FAF1: variants seen among roughly 807,000 people sequenced by gnomAD.
The protein encoded by FAF1 is FAS-associated factor 1.
FAF1 carries 25 observed loss-of-function variants against 92.5 expected under a neutral mutation model. The ratio of observed to expected loss-of-function variants is 0.27; its 90% CI spans 0.20 to 0.38. The LOEUF (loss-of-function observed/expected upper bound fraction) is 0.38. Among genes scored for constraint, FAF1 ranks in the 10% least tolerant of loss-of-function variants. FAF1 has a pLI of 1.00. For missense variants in FAF1, 636 were observed against 793.3 expected (o/e 0.80, Z 2.38); for synonymous variants, 234 against 273.2 (o/e 0.86, Z 1.42).
Position 50,629,623 on chromosome 1 carries a change from G to A in FAF1, c.744+25819C>T, listed in dbSNP as rs145032324. Among the ~76,000 whole-genome samples, 463 of 152,284 alleles carry A rather than the reference G, an allele frequency of 3.0e-3. 2 individuals are homozygous for A. Among genetic ancestry groups the A allele is most frequent in the Admixed American group, 6.0e-3 (92 of 15,302 alleles). ...AAAGAGGTAGCCTTTAGTCAAACAC[G>A]GGTCAAGATCCCTTTTCAATACCCC... On this transcript the variant is annotated intron_variant, in intron 8 of 18. Transcript: ENST00000396153.
rs1236881724 is a variant in FAF1 at position 50,959,894 on chromosome 1, C to G, written c.-83G>C. ...CACCTCCTGCGACCGTCGCCGCCAC[C>G]GCCGCCGCCGCCGCCGGGCGCCGAG... On this transcript the variant is annotated 5_prime_UTR_variant, in exon 1 of 19. Transcript: ENST00000396153. The G allele has an allele frequency of 2.9e-5, 17 of 586,378 alleles. No homozygotes were observed. In the East Asian group the frequency reaches 4.4e-4, roughly 15 times the overall value. The allele number at this position is 586,378 out of a possible 1,614,324, so 36.3% of individuals were successfully genotyped here.
intron 15 of FAF1, 73 bp from the exon 16 acceptor site, chr1:50,491,874 G>A (rs1381802339): frequency 8.9e-7 from 1 of 1,117,986 alleles, no homozygotes. Context: ...AAAACTAATG[G>A]TAATCCCTTT....
chr1:50,761,461 C>T (rs1195535496), intron 4 of FAF1, among the ~76,000 whole-genome samples: 1 of 152,134 alleles, frequency 6.6e-6, no homozygotes, highest in Admixed American at 6.5e-5. Flanking sequence ...CAAACCGAAT[C>T]CAGCAGCACA....
intron 8 of FAF1, 60 bp from the exon 9 acceptor site, chr1:50,596,276 T>A (rs1651811400): frequency 1.6e-6 from 2 of 1,279,724 alleles, no homozygotes; most frequent in African/African-American, 2.9e-5. Context: ...ACAAAAGGAT[T>A]TGACTTTTCA....
At chr1:50,773,769 T>C (rs1012470629) in intron 4 of FAF1, among the ~76,000 whole-genome samples, 3 of 152,180 alleles carry the variant, frequency 2.0e-5, no homozygotes, top group African/African-American at 7.2e-5. Context: ...GGTGATCTAA[T>C]GCACAGTAAG....
intron 18 of FAF1, among the ~76,000 whole-genome samples, chr1:50,449,348 A>G (rs1176118114): frequency 6.6e-6 from 1 of 152,116 alleles, no homozygotes; most frequent in Non-Finnish European, 1.5e-5. Flanking sequence ...CTCCTTTCAA[A>G]TCCTAAGCTC....
chr1:50,673,033 G>A (rs1298534219), intron 7 of FAF1, among the ~76,000 whole-genome samples: 1 of 152,050 alleles, frequency 6.6e-6, no homozygotes, highest in African/African-American at 2.4e-5. Flanking sequence ...TGAAGCAGGT[G>A]GATTACCTGA....
Position 50,860,010 on chromosome 1 carries a change from C to A in FAF1, c.46-2013G>T, listed in dbSNP as rs185206459. ...AAAATAAGCAATAGGGAAAGGACTG[C>A]CTATTGAATAAACAAACAGTGCTGG... is the stretch of plus-strand genomic sequence containing the variant. On this transcript the variant is annotated intron_variant, in intron 1 of 18. Transcript: ENST00000396153. 2.0e-3 allele frequency among the ~76,000 whole-genome samples: 307 copies of A among 151,910 alleles called. 2 individuals carry two copies. The highest frequency in any genetic ancestry group is 7.1e-3 in the African/African-American group (293 of 41,492).
intron 15 of FAF1, among the ~76,000 whole-genome samples, chr1:50,499,383 T>A (rs1049425745): frequency 4.6e-5 from 7 of 150,964 alleles, no homozygotes; most frequent in African/African-American, 7.3e-5. Flanking sequence ...TTTTTTTTTT[T>A]AAATAGATGC....
At chr1:50,904,880 C>CTT (rs879719866) in intron 1 of FAF1, among the ~76,000 whole-genome samples, 70 of 147,416 alleles carry the variant, frequency 4.7e-4, no homozygotes, top group African/African-American at 1.5e-3. Flanking sequence ...TATTTTTTTC[C>CTT]TTTTTTTTTT....
At chr1:50,870,410 T>C (rs910670410) in intron 1 of FAF1, among the ~76,000 whole-genome samples, 8 of 152,198 alleles carry the variant, frequency 5.3e-5, no homozygotes, top group African/African-American at 1.4e-4. Flanking sequence ...AGAGCCGAGA[T>C]TGCGCCACTG....
intron 4 of FAF1, among the ~76,000 whole-genome samples, chr1:50,767,452 G>A (rs1382750813): frequency 6.6e-6 from 1 of 152,038 alleles, no homozygotes; most frequent in Non-Finnish European, 1.5e-5. Context: ...TCAAATATAA[G>A]AAATGCAGAG....
At chr1:50,896,987 A>G (rs569174127) in intron 1 of FAF1, among the ~76,000 whole-genome samples, 77 of 152,312 alleles carry the variant, frequency 5.1e-4, no homozygotes, top group Admixed American at 5.2e-4. Flanking sequence ...GAAAAGAAAA[A>G]GTCAATTGCT....
intron 12 of FAF1, among the ~76,000 whole-genome samples, chr1:50,578,943 G>A (rs1422840863): frequency 6.6e-6 from 1 of 152,070 alleles, no homozygotes; most frequent in Non-Finnish European, 1.5e-5. Context: ...AAAGAGAAAT[G>A]AGGAAAGAAG....
At chr1:50,910,923 GT>G (rs1321148138) in intron 1 of FAF1, among the ~76,000 whole-genome samples, 1 of 152,016 alleles carries the variant, frequency 6.6e-6, no homozygotes, top group Non-Finnish European at 1.5e-5. Flanking sequence ...TGGTACCTCT[GT>G]TGGAAATGCA....
chr1:50,814,923 T>C (rs571523685), intron 2 of FAF1, among the ~76,000 whole-genome samples: 1 of 152,326 alleles, frequency 6.6e-6, no homozygotes, highest in East Asian at 1.9e-4. Context: ...TTTGTACTGC[T>C]GATGGGAATG....
At chr1:50,717,597 C>T (rs1658230273) in intron 6 of FAF1, among the ~76,000 whole-genome samples, 1 of 152,226 alleles carries the variant, frequency 6.6e-6, no homozygotes. Flanking sequence ...ATGAGTTCAG[C>T]ACAGGCTTCT....
chr1:50,628,770 T>C (rs1324573820), intron 8 of FAF1, among the ~76,000 whole-genome samples: 3 of 152,190 alleles, frequency 2.0e-5, no homozygotes, highest in Admixed American at 6.5e-5. Context: ...ATGGCCACAA[T>C]GTGTAGCATG....
chr1:50,779,987 G>GACACACACACACAC (rs1297272722), intron 4 of FAF1, among the ~76,000 whole-genome samples: 2 of 112,798 alleles, frequency 1.8e-5, no homozygotes, highest in African/African-American at 7.1e-5. Flanking sequence ...TGCACAGACA[G>GACACACACACACAC]ACAGACACAC....
Sources: allele counts gnomAD v4.1 joint callset (sites outside exome capture counted in the v4.1 genomes callset), GRCh38; gene constraint gnomAD v4.1.1; transcripts MANE v1.5; gene names NCBI Gene and HGNC (gene_info 2026-07-23, HGNC 2026-07-21).